Variants in ZAN observed in about 807,000 individuals in gnomAD.
The protein encoded by ZAN is zonadhesin (gene/pseudogene).
A neutral mutation model predicts 286.2 loss-of-function variants in ZAN; 260 were observed. The ratio of observed to expected loss-of-function variants is 0.91; its 90% CI spans 0.82 to 1.01. The LOEUF (loss-of-function observed/expected upper bound fraction) is 1.01, where lower values mean the gene tolerates loss of function less well. Ranked by LOEUF, ZAN falls within the 50% of genes least tolerant of loss-of-function variation. The pLI, the probability that ZAN is intolerant of heterozygous loss-of-function variation, is 0.00. For synonymous variants in ZAN, 1,368 were observed against 1,417.5 expected (o/e 0.97, Z 0.79); for missense variants, 3,410 against 3,639.2 (o/e 0.94, Z 1.62).
chr7:100,794,358 G>C (rs1812211847), intron 44 of ZAN, 100 bp downstream of exon 44: 1 of 1,493,576 alleles, frequency 6.7e-7, no homozygotes, highest in South Asian at 1.4e-5. Flanking sequence ...CTTCCACATT[G>C]ATTTCAGGAT....
At chr7:100,744,875 T>TG (rs1808075235) in intron 7 of ZAN, among the ~76,000 whole-genome samples, 7 of 150,922 alleles carry the variant, frequency 4.6e-5, no homozygotes, top group African/African-American at 1.7e-4. Flanking sequence ...CTTGGTTTTT[T>TG]TTTTGTTGTT....
chr7:100,771,935 A>C lies in ZAN; in HGVS notation c.5340A>C (p.Thr1780=). The part of the protein sequence containing the change: ...HGQCGTKGDT[T]ALCRSLQAYA... ...AGTGTGGGACCAAGGGCGACACCAC[A>C]GCCCTGTGCCGCTCCCTGCAGGCCT... The change falls in exon 29 of 48, where the codon ACA becomes ACC. Residue 1780 remains threonine, a synonymous_variant. Coordinates refer to ENST00000613979, the MANE Select transcript of ZAN (RefSeq NM_003386.3). The C allele has an allele frequency of 6.2e-7, 1 of 1,612,520 alleles. No homozygotes were observed. The highest frequency in any genetic ancestry group is 8.5e-7 in the Non-Finnish European group (1 of 1,179,766).
At chr7:100,785,653 T>C (rs961984509) in intron 36 of ZAN, among the ~76,000 whole-genome samples, 1 of 149,682 alleles carries the variant, frequency 6.7e-6, no homozygotes, top group Non-Finnish European at 1.5e-5. Flanking sequence ...CCCTCCCCTC[T>C]TCACTCTTTT....
rs892800570 is a variant in ZAN, at chr7:100,785,860, T to C, written c.6835-137T>C. 9 of 1,141,142 alleles carry C rather than the reference T, an allele frequency of 7.9e-6. No individual in the cohort carries two copies. The African/African-American group carries it at 1.2e-4, about 16-fold the overall frequency. The allele number at this position is 1,141,142 out of a possible 1,614,324, so 70.7% of individuals were successfully genotyped here. On this transcript the variant is annotated intron_variant, in intron 36 of 47. Transcript: ENST00000613979. ...TTTTAGTAGAGACAGGGTTTCACCA[T>C]GTTGGCTGGGCTCGTCACAAACTCC...
chr7:100,736,432 G>C, intron 3 of ZAN, 51 bp from the exon 4 acceptor site: 1 of 1,499,680 alleles, frequency 6.7e-7, no homozygotes, highest in Non-Finnish European at 9.2e-7. Context: ...GTGTGGCTCT[G>C]GGCCCTGCCC....
At chr7:100,759,649 G>C in intron 17 of ZAN, 72 bp from the exon 18 acceptor site, 1 of 1,495,102 alleles carries the variant, frequency 6.7e-7, no homozygotes, top group South Asian at 1.3e-5. Context: ...GCGGCGCCAG[G>C]CTCAGGGCAC....
At chr7:100,748,508 T>G in intron 11 of ZAN, 38 bp downstream of exon 11, 1 of 1,579,120 alleles carries the variant, frequency 6.3e-7, no homozygotes, top group Non-Finnish European at 8.6e-7. Context: ...AAGAAATCAC[T>G]CAGTCTGCTC....
rs778910645 is a variant in ZAN, at chr7:100,752,977, C to T, written c.2872C>T (p.Pro958Ser). 1.0e-4 allele frequency: 165 copies of T among 1,607,394 alleles called. No homozygotes were observed. The highest frequency in any genetic ancestry group is 1.3e-4 in the Non-Finnish European group (157 of 1,177,346). The change falls in exon 14 of 48, where the codon CCC (proline) becomes TCC (serine). Residue 958 changes from proline to serine, a missense_variant. Transcript: ENST00000613979. The stretch of plus-strand genomic sequence containing the variant: ...CATCTCCCCAGAAAAACTCACCATC[C>T]CCACAGAAAAACCCACCATCTCCAC... ...PTISPEKLTI[P>S]TEKPTISTEK...
chr7:100,784,727 G>C lies in ZAN; in HGVS notation c.6727G>C (p.Ala2243Pro), dbSNP rs201907411. The stretch of plus-strand genomic sequence containing the variant: ...GTGTGAGGGCGCCAAAGTCCCCTCT[G>C]CCTGCGCTGAGGGCTGCATTTGTCA... ...GRCEGAKVPS[A>P]CAEGCICQPG... Residue 2243 changes from alanine to proline, a missense_variant, in exon 36 of 48, where the codon GCC becomes CCC. By Grantham distance (27) the Ala-to-Pro change is conservative. Around this residue, in one of 7 missense-constraint regions of ZAN, gnomAD observed 1,289 missense variants for 1,314.3 expected, o/e 0.98. Transcript: ENST00000613979. 1,120 of 1,613,960 alleles carry C rather than the reference G, an allele frequency of 6.9e-4. 4 individuals carry two copies. In the South Asian group the frequency reaches 7.5e-3, roughly 11 times the overall value.
chr7:100,791,655 C>T (rs994021567), intron 40 of ZAN, among the ~76,000 whole-genome samples: 1 of 152,194 alleles, frequency 6.6e-6, no homozygotes, highest in Non-Finnish European at 1.5e-5. Context: ...GATCTGCCCA[C>T]CTAGGCCTCC....
chr7:100,740,260 G>T lies in ZAN; in HGVS notation c.766+1647G>T, dbSNP rs1211731694. ...TCTGTGTGAATGGGGAGCCTTTGCA[G>T]GATTTTGAGCAGTGACTTGATCTGA... On this transcript the variant is annotated intron_variant, in intron 7 of 47. Coordinates refer to ENST00000613979, the MANE Select transcript of ZAN (RefSeq NM_003386.3). Among the ~76,000 whole-genome samples the T allele has an allele frequency of 2.9e-4, 40 of 138,976 alleles. 12 individuals are homozygous for T. The highest frequency in any genetic ancestry group is 8.0e-5 in the Non-Finnish European group (5 of 62,284). The allele number at this position is 138,976 out of a possible 152,430, so 91.2% of individuals were successfully genotyped here.
intron 17 of ZAN, 95 bp from the exon 18 acceptor site, chr7:100,759,626 C>CCCTA: frequency 7.5e-7 from 1 of 1,334,780 alleles, no homozygotes; most frequent in South Asian, 1.8e-5. Context: ...CTCGGTGGCG[C>CCCTA]TCATCTCTCC....
intron 35 of ZAN, among the ~76,000 whole-genome samples, chr7:100,784,148 T>C (rs1811402145): frequency 6.7e-6 from 1 of 149,352 alleles, no homozygotes; most frequent in Non-Finnish European, 1.5e-5. Context: ...TTTTTTTTTT[T>C]TGAGACAGTC....
chr7:100,754,788 C>T (rs1027237117), intron 14 of ZAN, among the ~76,000 whole-genome samples: 1 of 151,878 alleles, frequency 6.6e-6, no homozygotes, highest in African/African-American at 2.4e-5. Flanking sequence ...CTCGGCCTCC[C>T]AAAGTCTTGG....
intron 16 of ZAN, 39 bp downstream of exon 16, chr7:100,758,382 A>C: frequency 6.2e-7 from 1 of 1,604,442 alleles, no homozygotes; most frequent in Non-Finnish European, 8.5e-7. Context: ...CCTGCCAGCC[A>C]GTTGGAGTAG....
intron 12 of ZAN, 137 bp from the exon 13 acceptor site, chr7:100,751,045 C>T (rs995629414): frequency 1.0e-5 from 14 of 1,371,616 alleles, no homozygotes; most frequent in South Asian, 1.5e-5. Context: ...AGAAAGGGGC[C>T]GGGATGGGGC....
chr7:100,765,295 C>T, intron 22 of ZAN, 57 bp from the exon 23 acceptor site: 1 of 1,579,856 alleles, frequency 6.3e-7, no homozygotes, highest in South Asian at 1.2e-5. Context: ...TTCCTGTTTC[C>T]CACCCAGCCC....
chr7:100,795,116 C>A (rs1160244856), intron 44 of ZAN, 80 bp from the exon 45 acceptor site: 2 of 1,503,634 alleles, frequency 1.3e-6, no homozygotes, highest in East Asian at 5.3e-5. Flanking sequence ...CCCCGGGCGT[C>A]CCAGCCCCCA....
rs372571819 is a variant in ZAN, at chr7:100,762,285, T to C, written c.3913T>C (p.Leu1305=). 129 of 1,613,602 alleles carry C rather than the reference T, an allele frequency of 8.0e-5. 1 individual carries two copies. The highest frequency in any genetic ancestry group is 9.6e-5 in the Non-Finnish European group (113 of 1,179,818). Residue 1305 remains leucine (L), a synonymous_variant, in exon 20 of 48, where the codon TTG becomes CTG. Transcript: ENST00000613979. The part of the protein sequence containing the change: ...DGNSDNDHLK[L]DGSPAGDKEE... ...CAACAGTGACAATGACCACCTGAAG[T>C]TGGACGGCAGCCCAGCAGGAGACAA...
Sources: gnomAD v4.1 joint callset for allele counts (sites outside exome capture counted in the v4.1 genomes callset) on GRCh38, gnomAD v4.1.1 for gene constraint, gnomAD v4.1.1 regional missense constraint, MANE v1.5 for transcripts, NCBI Gene and HGNC (gene_info 2026-07-23, HGNC 2026-07-21) for gene names.